The following FAM13A variants were observed in gnomAD, a reference collection of about 807,000 sequenced individuals.
FAM13A encodes the protein family with sequence similarity 13 member A, also known as protein FAM13A.
Under a neutral mutation model 129.6 loss-of-function variants are expected in FAM13A, and 76 were observed. That is an observed-to-expected ratio of 0.59 (90% CI 0.49 to 0.71). The LOEUF is 0.71. FAM13A is among the 30% of genes least tolerant of loss of function. The pLI is 0.00. For missense variants in FAM13A, 1,108 were observed against 1,249.3 expected (o/e 0.89, Z 1.70); for synonymous variants, 443 against 449.9 (o/e 0.98, Z 0.20).
chr4:88,736,343 T>C (rs538351007), intron 21 of FAM13A: 1 of 152,196 alleles, frequency 6.6e-6, no homozygotes. Flanking sequence ...GAAGACTTTA[T>C]AGCTTGTGGT....
In FAM13A at chr4:89,057,173, A is replaced by T; in HGVS notation, c.-209T>A. On this transcript the variant is annotated 5_prime_UTR_variant, in exon 1 of 24. Transcript: ENST00000264344. ...CCGCTGAACCCACATGGCTGGAAGG[A>T]CTGCCTGGAGTTGAAATTTGATCCA... 2 of 1,413,658 alleles carry T rather than the reference A, an allele frequency of 1.4e-6. No individual in the cohort carries two copies. Among genetic ancestry groups the T allele is most frequent in the South Asian group, 3.2e-5 (2 of 62,206 alleles). 87.6% of individuals were successfully genotyped at this position (1,413,658 alleles called of 1,614,324 possible). A position where few individuals can be genotyped will look rare whatever the true frequency, so the allele number is the denominator to read the frequency against.
At chr4:88,840,112 G>T (rs1012412422) in intron 7 of FAM13A, among the ~76,000 whole-genome samples, 2 of 152,218 alleles carry the variant, frequency 1.3e-5, no homozygotes, top group Non-Finnish European at 2.9e-5. Context: ...GAAGGCCAGA[G>T]GAAAACCAGG....
intron 7 of FAM13A, among the ~76,000 whole-genome samples, chr4:88,817,684 G>A (rs1021005638): frequency 1.4e-4 from 22 of 152,284 alleles, no homozygotes; most frequent in African/African-American, 5.3e-4. Context: ...ACAAATGTAA[G>A]TTTCATAGGA....
intron 3 of FAM13A, among the ~76,000 whole-genome samples, chr4:89,010,219 TAAGTAA>T (rs1765558396): frequency 6.6e-6 from 1 of 152,246 alleles, no homozygotes; most frequent in Admixed American, 6.5e-5. Flanking sequence ...TCTGCCTATA[TAAGTAA>T]AACTTTAACC....
intron 6 of FAM13A, among the ~76,000 whole-genome samples, chr4:88,900,157 AC>A (rs1747052034): frequency 6.6e-6 from 1 of 152,132 alleles, no homozygotes; most frequent in Non-Finnish European, 1.5e-5. Flanking sequence ...CCTAAAACTG[AC>A]TAGGGTACCT....
In FAM13A at chr4:88,726,431, CTTTAGTTAATT is replaced by C. The variant is rs1456139695; in HGVS notation, c.*2091_*2101del. 6.6e-5 allele frequency: 10 copies of C among 152,436 alleles called. No individual in the cohort carries two copies. Among genetic ancestry groups the C allele is most frequent in the Non-Finnish European group, 1.5e-5 (1 of 68,004 alleles). 9.4% of individuals were successfully genotyped at this position (152,436 alleles called of 1,614,324 possible). The stretch of plus-strand genomic sequence containing the variant: ...TTCAAATGGGGATTCCTGAATAAAT[CTTTAGTTAATT>C]TACCTTTGGCAGAAACAACAGATTC... On this transcript the variant is annotated 3_prime_UTR_variant, in exon 24 of 24. Transcript: ENST00000264344.
At chr4:88,870,594 C>T (rs1303563918) in intron 6 of FAM13A, among the ~76,000 whole-genome samples, 2 of 152,212 alleles carry the variant, frequency 1.3e-5, no homozygotes, top group East Asian at 3.9e-4. Context: ...GGGCATCTGC[C>T]ATCACTGAGG....
At position 88,889,740 on chromosome 4, in the gene FAM13A, T is replaced by C. The variant is rs1440380047; in HGVS notation, c.843+16639A>G. On this transcript the variant is annotated intron_variant, in intron 6 of 23. Coordinates refer to ENST00000264344, the MANE Select transcript of FAM13A (RefSeq NM_014883.4). ...TTTTCAGTGTCCATTTCAGAGGGCA[T>C]GTTTTCAGATGAAACCAGTAGAAGA... 4.6e-5 allele frequency among the ~76,000 whole-genome samples: 7 copies of C among 152,304 alleles called. No homozygotes were observed. In the East Asian group the frequency reaches 1.2e-3, roughly 25 times the overall value.
chr4:88,770,705 A>G (rs747934014), intron 11 of FAM13A, among the ~76,000 whole-genome samples: 2 of 152,154 alleles, frequency 1.3e-5, no homozygotes, highest in African/African-American at 2.4e-5. Context: ...AAACAGAGGA[A>G]CCAAAATGTA....
At chr4:88,840,450 A>G (rs544324576) in intron 7 of FAM13A, among the ~76,000 whole-genome samples, 1 of 152,348 alleles carries the variant, frequency 6.6e-6, no homozygotes, top group Admixed American at 6.5e-5. Context: ...GGACTCATCT[A>G]GAAAAAATGG....
chr4:88,827,123 T>G (rs1200834419), intron 7 of FAM13A, among the ~76,000 whole-genome samples: 4 of 152,204 alleles, frequency 2.6e-5, no homozygotes, highest in African/African-American at 9.6e-5. Flanking sequence ...TTTAGGGTCT[T>G]TTGACCACTA....
intron 7 of FAM13A, among the ~76,000 whole-genome samples, chr4:88,834,956 A>G (rs1734567465): frequency 1.3e-5 from 2 of 151,936 alleles, no homozygotes; most frequent in South Asian, 4.2e-4. Context: ...TCTGCATTAC[A>G]GCTTTTTTTT....
At chr4:88,961,760 C>T (rs543279550) in intron 4 of FAM13A, among the ~76,000 whole-genome samples, 4 of 152,168 alleles carry the variant, frequency 2.6e-5, no homozygotes, top group African/African-American at 4.8e-5. Context: ...ATCTCATAGA[C>T]AAAGACTTGA....
intron 2 of FAM13A, among the ~76,000 whole-genome samples, chr4:89,025,652 G>A (rs1767881357): frequency 6.6e-6 from 1 of 152,088 alleles, no homozygotes; most frequent in Non-Finnish European, 1.5e-5. Flanking sequence ...ATATACATGT[G>A]GTAGAACGGT....
intron 21 of FAM13A, among the ~76,000 whole-genome samples, chr4:88,733,447 A>G (rs1237562664): frequency 6.6e-6 from 1 of 152,220 alleles, no homozygotes; most frequent in East Asian, 1.9e-4. Flanking sequence ...AGTAAAATTG[A>G]CTTTTTAAAT....
chr4:88,889,258 T>C (rs998581627), intron 6 of FAM13A, among the ~76,000 whole-genome samples: 1 of 152,060 alleles, frequency 6.6e-6, no homozygotes, highest in Non-Finnish European at 1.5e-5. Flanking sequence ...GATTGTTGAG[T>C]GTGGTTATGC....
At chr4:88,785,799 G>A (rs1723851072) in intron 10 of FAM13A, among the ~76,000 whole-genome samples, 1 of 152,208 alleles carries the variant, frequency 6.6e-6, no homozygotes, top group Middle Eastern at 3.2e-3. Context: ...GCCGTTCAGT[G>A]TGGGCTGGGA....
intron 1 of FAM13A, among the ~76,000 whole-genome samples, chr4:89,044,050 A>T (rs1770506192): frequency 6.9e-6 from 1 of 144,184 alleles, no homozygotes; most frequent in Non-Finnish European, 1.5e-5. Context: ...GTGAGCCATG[A>T]TCTCACCACT....
intron 7 of FAM13A, among the ~76,000 whole-genome samples, chr4:88,833,867 T>C (rs533470398): frequency 3.2e-4 from 48 of 152,074 alleles, no homozygotes; most frequent in East Asian, 5.8e-4. Context: ...GCCTGGGTGA[T>C]AGAGTGAGAC....
Sources: gnomAD v4.1 joint callset for allele counts (sites outside exome capture counted in the v4.1 genomes callset) on GRCh38, gnomAD v4.1.1 for gene constraint, MANE v1.5 for transcripts, NCBI Gene and HGNC (gene_info 2026-07-23, HGNC 2026-07-21) for gene names.